POU6F1: variants seen among roughly 807,000 people sequenced by gnomAD.
POU6F1 encodes POU domain, class 6, transcription factor 1.
In POU6F1, 9 loss-of-function variants were observed where a neutral mutation model predicts 28.9. The observed-to-expected ratio is 0.31, with a 90% confidence interval of 0.19 to 0.54. The LOEUF is 0.54. POU6F1 is among the 20% of genes least tolerant of loss of function. The pLI is 0.94. For synonymous variants in POU6F1, 173 were observed against 171.1 expected (o/e 1.01, Z -0.09); for missense variants, 338 against 426.1 (o/e 0.79, Z 1.82).
In POU6F1 at chr12:51,190,654, C is replaced by G; in HGVS notation, c.1491-62G>C. 1 of 1,569,744 alleles carries G rather than the reference C, an allele frequency of 6.4e-7. No individual in the cohort carries two copies. On this transcript the variant is annotated intron_variant, in intron 10 of 10. Transcript: ENST00000333640. This position sits in a 1 kb window ranked among gnomAD's most constrained non-coding sequence, Gnocchi z 4.5. ...GCATGTTGGTCTCTTTGGCACACCC[C>G]GCACCTAGGTGCAGGCTCCATCCTC...
At chr12:51,201,938 T>A (rs1454540047) in intron 3 of POU6F1, 1 of 151,574 alleles carries the variant, frequency 6.6e-6, no homozygotes, top group African/African-American at 2.4e-5. Flanking sequence ...CGCCTCACTG[T>A]AACCTCCACT....
At chr12:51,193,963 T>C (rs573538944) in intron 8 of POU6F1, among the ~76,000 whole-genome samples, 1 of 152,330 alleles carries the variant, frequency 6.6e-6, no homozygotes, top group East Asian at 1.9e-4. Flanking sequence ...TCAGAGCTCC[T>C]TGACTCTCCC....
chr12:51,197,668 T>G, intron 6 of POU6F1, 102 bp downstream of exon 6: 3 of 388,706 alleles, frequency 7.7e-6, no homozygotes, highest in East Asian at 3.7e-5. Flanking sequence ...AAAGGGCTGT[T>G]TTCGGGGGGG....
intron 2 of POU6F1, 102 bp from the exon 3 acceptor site, chr12:51,204,470 G>C (rs906605912): frequency 5.0e-6 from 2 of 397,734 alleles, no homozygotes; most frequent in Non-Finnish European, 8.9e-6. Context: ...GGCACCTCTG[G>C]ATGCAGACCT....
In POU6F1 at chr12:51,196,150, T is replaced by C. The variant is rs780248166; in HGVS notation, c.999A>G (p.Val333=). The C allele has an allele frequency of 5.8e-6, 9 of 1,543,582 alleles. No individual in the cohort carries two copies. The Admixed American group carries it at 1.6e-4, about 28-fold the overall frequency. ...QGQVIGTLPW[V]VNSASVAAPA... ...GGGCCGCCACACTAGCTGAGTTCAC[T>C]ACCCATGGAAGGGTTCCAATAACCT... Residue 333 remains valine (V), a synonymous_variant, in exon 8 of 11, where the codon GTA becomes GTG. Transcript: ENST00000333640.
At chr12:51,208,569 C>T (rs1176924338) in intron 1 of POU6F1, among the ~76,000 whole-genome samples, 6 of 151,988 alleles carry the variant, frequency 3.9e-5, no homozygotes, top group Admixed American at 6.6e-5. Context: ...TGTCCTTCCC[C>T]GCAAATTCAT....
At chr12:51,200,695 T>G (rs1345621657) in intron 3 of POU6F1, among the ~76,000 whole-genome samples, 4 of 152,178 alleles carry the variant, frequency 2.6e-5, no homozygotes, top group Admixed American at 2.6e-4. Flanking sequence ...TATTTTAATT[T>G]AATTTTTTTT....
At chr12:51,197,618 GAA>G (rs1942922487) in intron 6 of POU6F1, among the ~76,000 whole-genome samples, 150 bp downstream of exon 6, 1 of 152,168 alleles carries the variant, frequency 6.6e-6, no homozygotes, top group African/African-American at 2.4e-5. Flanking sequence ...GCTGCAAGGA[GAA>G]GGCCTCAGAG....
At chr12:51,202,669 T>C (rs1028942893) in intron 3 of POU6F1, 1 of 152,128 alleles carries the variant, frequency 6.6e-6, no homozygotes, top group Non-Finnish European at 1.5e-5. Flanking sequence ...ACAGAATTTT[T>C]TAAAGGACCA....
chr12:51,191,845 C>T (rs142738809), intron 9 of POU6F1, 81 bp from the exon 10 acceptor site: 79 of 1,540,000 alleles, frequency 5.1e-5, no homozygotes, highest in South Asian at 3.6e-4. Flanking sequence ...TCTGAACTGA[C>T]GCAGTAGTGA....
At chr12:51,192,580 AT>A in intron 8 of POU6F1, 109 bp from the exon 9 acceptor site, 2 of 1,391,172 alleles carry the variant, frequency 1.4e-6, no homozygotes, top group Non-Finnish European at 2.0e-6. Context: ...ATCCTCACGC[AT>A]GCAGGACATT....
intron 1 of POU6F1, among the ~76,000 whole-genome samples, chr12:51,209,498 T>C (rs1043348676): frequency 6.6e-6 from 1 of 152,262 alleles, no homozygotes; most frequent in Non-Finnish European, 1.5e-5. Flanking sequence ...TATTCTATTG[T>C]ATGGATACAC....
rs988448458 is a variant in POU6F1 at position 51,198,722 on chromosome 12, T to C, written c.420A>G (p.Ala140=). Residue 140 remains alanine, a synonymous_variant, in exon 5 of 11, where the codon GCA becomes GCG. Transcript: ENST00000333640. ...TAAGAAGAGGTTGAGTAACTGCCCC[T>C]GCTGGAACCATAACTCCTGTCAGAA... ...ATVLTGVMVP[A]GAVTQPLLIP... 5 of 399,040 alleles carry C rather than the reference T, an allele frequency of 1.3e-5. No individual in the cohort carries two copies. Among genetic ancestry groups the C allele is most frequent in the Non-Finnish European group, 1.8e-5 (4 of 226,106 alleles). 24.7% of individuals were successfully genotyped at this position (399,040 alleles called of 1,614,324 possible).
intron 2 of POU6F1, among the ~76,000 whole-genome samples, chr12:51,205,359 T>C (rs1056922471): frequency 3.3e-5 from 5 of 152,144 alleles, no homozygotes; most frequent in Admixed American, 1.3e-4. Flanking sequence ...CTTTTTATCC[T>C]GTGGCCCTGT....
In POU6F1 at chr12:51,189,449, G is replaced by A. The variant is rs1942250789; in HGVS notation, c.*798C>T. ...ATTGACAGAGATTAAATTAAAATAT[G>A]AAAGAACAGCCTTATTTTCTAAATT... On this transcript the variant is annotated 3_prime_UTR_variant, in exon 11 of 11. Transcript: ENST00000333640. 6.6e-6 allele frequency: 1 copy of A among 152,184 alleles called. No homozygotes were observed. Among genetic ancestry groups the A allele is most frequent in the East Asian group, 1.9e-4 (1 of 5,204 alleles). 9.4% of individuals were successfully genotyped at this position (152,184 alleles called of 1,614,324 possible).
chr12:51,187,252 T>G lies in POU6F1; in HGVS notation c.*2995A>C, dbSNP rs922322922. Reference sequence around the variant, plus strand: ...GTAATGCAGGGTCAAAGGCCCTAGCTGATCCACCAGGAAAGTTTTGGTCTT... The same window carrying G: ...GTAATGCAGGGTCAAAGGCCCTAGCGGATCCACCAGGAAAGTTTTGGTCTT... On this transcript the variant is annotated 3_prime_UTR_variant, in exon 11 of 11. Transcript: ENST00000333640. The G allele has an allele frequency of 6.6e-5, 10 of 152,234 alleles. No individual in the cohort carries two copies. The highest frequency in any genetic ancestry group is 9.6e-5 in the African/African-American group (4 of 41,458). The allele number at this position is 152,234 out of a possible 1,614,324, so 9.4% of individuals were successfully genotyped here. A position where few individuals can be genotyped will look rare whatever the true frequency, so the allele number is the denominator to read the frequency against.
chr12:51,193,703 T>C (rs1158250354), intron 8 of POU6F1, among the ~76,000 whole-genome samples: 1 of 152,210 alleles, frequency 6.6e-6, no homozygotes, highest in Non-Finnish European at 1.5e-5. Flanking sequence ...AAAGAAGTTG[T>C]CTCTGGAGTT....
Position 51,190,157 on chromosome 12 carries a change from C to A in POU6F1, c.*90G>T. ...CTGGGGTGAGCACAGCTGCACGTGG[C>A]AAAATGACAGGTGCTGTCATGGCAG... is the stretch of plus-strand genomic sequence containing the variant. On this transcript the variant is annotated 3_prime_UTR_variant, in exon 11 of 11. Coordinates refer to ENST00000333640, the MANE Select transcript of POU6F1 (RefSeq NM_001330422.2). The surrounding 1 kb of genome is among the most constrained non-coding windows in gnomAD (Gnocchi z 4.5). 6.6e-7 allele frequency: 1 copy of A among 1,518,992 alleles called. No homozygotes were observed. The highest frequency in any genetic ancestry group is 8.8e-7 in the Non-Finnish European group (1 of 1,136,430). The allele number at this position is 1,518,992 out of a possible 1,614,324, so 94.1% of individuals were successfully genotyped here. A position where few individuals can be genotyped will look rare whatever the true frequency, so the allele number is the denominator to read the frequency against.
At chr12:51,197,370 A>G (rs1942904277) in intron 6 of POU6F1, among the ~76,000 whole-genome samples, 1 of 152,132 alleles carries the variant, frequency 6.6e-6, no homozygotes, top group South Asian at 2.1e-4. Flanking sequence ...CACACTGGAG[A>G]GGCTGATGTG....
Sources: gnomAD v4.1 joint callset for allele counts (sites outside exome capture counted in the v4.1 genomes callset) on GRCh38, gnomAD v4.1.1 for gene constraint, Gnocchi (gnomAD v3.1) non-coding constraint, MANE v1.5 for transcripts, NCBI Gene and HGNC (gene_info 2026-07-23, HGNC 2026-07-21) for gene names.